Variants in SH3RF3 observed in about 807,000 individuals in gnomAD.
SH3RF3 encodes the protein SH3 domain containing ring finger 3.
A neutral mutation model predicts 66.3 loss-of-function variants in SH3RF3; 29 were observed. The ratio of observed to expected loss-of-function variants is 0.44; its 90% CI spans 0.33 to 0.60. SH3RF3 has a LOEUF of 0.60. Ranked by LOEUF, SH3RF3 falls within the 20% of genes least tolerant of loss-of-function variation. SH3RF3 has a pLI of 0.04. For synonymous variants in SH3RF3, 583 were observed against 532.0 expected (o/e 1.10, Z -1.32); for missense variants, 1,194 against 1,190.9 (o/e 1.00, Z -0.04).
In SH3RF3 at chr2:109,398,635, C is replaced by G. The variant is rs990750662; in HGVS notation, c.991C>G (p.Pro331Ala). ...KQLIEMDKPC[P>A]AAASSCNASL... Reference sequence around the variant, plus strand: ...GCTCATTGAGATGGACAAGCCATGCCCAGCCGCTGCATCCAGCTGCAATGC... The same window carrying G: ...GCTCATTGAGATGGACAAGCCATGCGCAGCCGCTGCATCCAGCTGCAATGC... Residue 331 changes from proline to alanine, a missense_variant, in exon 4 of 10, where the codon CCA (proline) becomes GCA (alanine). By Grantham distance (27) the Pro-to-Ala change is conservative. Transcript: ENST00000309415. 8.8e-6 allele frequency: 14 copies of G among 1,596,898 alleles called. No homozygotes were observed. The Admixed American group carries it at 1.9e-4, about 22-fold the overall frequency.
rs115322756 is a variant in SH3RF3 at position 109,290,957 on chromosome 2, G to A, written c.574-56717G>A. On this transcript the variant is annotated intron_variant, in intron 1 of 9. Transcript: ENST00000309415. ...TTTTTACTGTTTTCCTGGGGTGCCC[G>A]GCAATATGCCGGGTACATAGTAGGT... 2.3e-3 allele frequency among the ~76,000 whole-genome samples: 358 copies of A among 152,354 alleles called. 1 individual carries two copies. Among genetic ancestry groups the A allele is most frequent in the African/African-American group, 8.2e-3 (340 of 41,582 alleles).
At chr2:109,481,028 G>A (rs1200677659) in intron 8 of SH3RF3, among the ~76,000 whole-genome samples, 1 of 152,226 alleles carries the variant, frequency 6.6e-6, no homozygotes, top group African/African-American at 2.4e-5. Context: ...TCAGGCAAGA[G>A]GACACCGATA....
intron 1 of SH3RF3, among the ~76,000 whole-genome samples, chr2:109,285,741 C>A (rs1681017098): frequency 6.6e-6 from 1 of 152,224 alleles, no homozygotes; most frequent in African/African-American, 2.4e-5. Flanking sequence ...TGTGAGCAAG[C>A]TGATGCCTTG....
chr2:109,439,432 A>G (rs1677501520), intron 7 of SH3RF3, among the ~76,000 whole-genome samples: 1 of 152,220 alleles, frequency 6.6e-6, no homozygotes, highest in African/African-American at 2.4e-5. Context: ...TAGAGAGAGA[A>G]AAAACACTGT....
rs141562183 is a variant in SH3RF3, at chr2:109,196,056, C to T, written c.573+65943C>T. On this transcript the variant is annotated intron_variant, in intron 1 of 9. Coordinates refer to ENST00000309415, the MANE Select transcript of SH3RF3 (RefSeq NM_001099289.3). ...TCCAAAGTGGGAATCCAGGTGATGT[C>T]GAAGGGCTCCAGAGGGAACGCAGAC... is the stretch of plus-strand genomic sequence containing the variant. Among the ~76,000 whole-genome samples the T allele has an allele frequency of 2.5e-3, 379 of 152,338 alleles. 3 individuals are homozygous for T. The highest frequency in any genetic ancestry group is 8.7e-3 in the African/African-American group (360 of 41,576).
At chr2:109,224,586 A>C (rs1309019180) in intron 1 of SH3RF3, among the ~76,000 whole-genome samples, 1 of 152,198 alleles carries the variant, frequency 6.6e-6, no homozygotes. Context: ...TGCCAGGCGC[A>C]GTGGCTCACA....
intron 3 of SH3RF3, among the ~76,000 whole-genome samples, chr2:109,377,665 G>A (rs545677745): frequency 8.3e-4 from 126 of 152,236 alleles, no homozygotes; most frequent in African/African-American, 2.9e-3. Flanking sequence ...CAGAAAAATA[G>A]CAGGAGTTCC....
intron 1 of SH3RF3, among the ~76,000 whole-genome samples, chr2:109,252,738 C>T (rs1162213507): frequency 2.0e-5 from 3 of 152,192 alleles, no homozygotes; most frequent in Non-Finnish European, 4.4e-5. Flanking sequence ...CTAATGTAAT[C>T]AGCCTACAGT....
At position 109,396,095 on chromosome 2, in the gene SH3RF3, C is replaced by T. The variant is rs1337584533; in HGVS notation, c.946-2495C>T. Among the ~76,000 whole-genome samples, 14 of 152,224 alleles carry T rather than the reference C, an allele frequency of 9.2e-5. No individual in the cohort carries two copies. In the South Asian group the frequency reaches 1.0e-3, roughly 11 times the overall value. ...AGTGAGTGAGACGAATGGAGGACTGCGCTCACTGTGCCCTGCTGCTGTGTC... is the reference window on the plus strand; with the variant it reads ...AGTGAGTGAGACGAATGGAGGACTGTGCTCACTGTGCCCTGCTGCTGTGTC... On this transcript the variant is annotated intron_variant, in intron 3 of 9. Coordinates refer to ENST00000309415, the MANE Select transcript of SH3RF3 (RefSeq NM_001099289.3).
At chr2:109,431,103 G>A (rs550488063) in intron 5 of SH3RF3, among the ~76,000 whole-genome samples, 18 of 152,242 alleles carry the variant, frequency 1.2e-4, no homozygotes, top group East Asian at 9.7e-4. Flanking sequence ...TTGAGCCCTC[G>A]TGAGCTGCAT....
In SH3RF3 at chr2:109,129,811, G is replaced by C. The variant is rs1362779246; in HGVS notation, c.271G>C (p.Glu91Gln). ...CLESIVCSRH[E>Q]LRCPECRILV... ...GGAGAGCATCGTGTGCTCGCGCCAC[G>C]AGCTGCGCTGCCCCGAGTGCCGCAT... is the stretch of plus-strand genomic sequence containing the variant. Residue 91 changes from glutamate (E) to glutamine (Q), a missense_variant, in exon 1 of 10, where the codon GAG becomes CAG. Coordinates refer to ENST00000309415, the MANE Select transcript of SH3RF3 (RefSeq NM_001099289.3). 7 of 1,537,900 alleles carry C rather than the reference G, an allele frequency of 4.6e-6. No individual in the cohort carries two copies. The highest frequency in any genetic ancestry group is 6.1e-6 in the Non-Finnish European group (7 of 1,145,402).
chr2:109,473,278 T>C (rs921227707), intron 8 of SH3RF3, among the ~76,000 whole-genome samples: 2 of 152,142 alleles, frequency 1.3e-5, no homozygotes, highest in Admixed American at 1.3e-4. Context: ...GGAGCTGGGG[T>C]TGGGCCCTGC....
chr2:109,321,135 A>T (rs1270613897), intron 1 of SH3RF3, among the ~76,000 whole-genome samples: 1 of 151,928 alleles, frequency 6.6e-6, no homozygotes, highest in Non-Finnish European at 1.5e-5. Flanking sequence ...CGGACACACA[A>T]GACGCCATGT....
chr2:109,276,027 T>C (rs554302915), intron 1 of SH3RF3, among the ~76,000 whole-genome samples: 55 of 152,308 alleles, frequency 3.6e-4, no homozygotes, highest in African/African-American at 1.3e-3. Context: ...GAGGATTTCA[T>C]GGTTCAGTTG....
Position 109,288,438 on chromosome 2 carries a change from C to T in SH3RF3, c.574-59236C>T, listed in dbSNP as rs1238912412. Among the ~76,000 whole-genome samples the T allele has an allele frequency of 3.3e-5, 5 of 152,088 alleles. No homozygotes were observed. In the East Asian group the frequency reaches 5.8e-4, roughly 18 times the overall value. ...ATGTGGATATGCCAGCTTTAAAACC[C>T]GATAAAGCCAGAAAGTATGAGAGCC... On this transcript the variant is annotated intron_variant, in intron 1 of 9. Transcript: ENST00000309415.
At chr2:109,272,465 G>T (rs966009525) in intron 1 of SH3RF3, among the ~76,000 whole-genome samples, 1 of 152,230 alleles carries the variant, frequency 6.6e-6, no homozygotes, top group Non-Finnish European at 1.5e-5. Context: ...TGCTTTCCTG[G>T]TGTGTGGGAC....
At chr2:109,253,044 A>G (rs957409030) in intron 1 of SH3RF3, among the ~76,000 whole-genome samples, 23 of 151,634 alleles carry the variant, frequency 1.5e-4, no homozygotes, top group African/African-American at 5.6e-4. Context: ...TTTTTTATTT[A>G]AGAGCTAGAG....
At chr2:109,294,001 G>A (rs1247365429) in intron 1 of SH3RF3, among the ~76,000 whole-genome samples, 1 of 152,160 alleles carries the variant, frequency 6.6e-6, no homozygotes, top group Admixed American at 6.5e-5. Context: ...GTGCTTGGCC[G>A]AGCAGCTGGT....
chr2:109,147,940 T>G (rs1677137399), intron 1 of SH3RF3, among the ~76,000 whole-genome samples: 1 of 152,236 alleles, frequency 6.6e-6, no homozygotes, highest in Non-Finnish European at 1.5e-5. Context: ...ATGAAGAGTT[T>G]TGGGGACTAG....
Sources: allele counts gnomAD v4.1 joint callset (sites outside exome capture counted in the v4.1 genomes callset), GRCh38; gene constraint gnomAD v4.1.1; transcripts MANE v1.5; gene names NCBI Gene and HGNC (gene_info 2026-07-23, HGNC 2026-07-21).